LENG1: variants seen among roughly 807,000 people sequenced by gnomAD.
The protein encoded by LENG1 is leukocyte receptor cluster member 1, also known as leukocyte receptor cluster (LRC) member 1.
In LENG1, 35 loss-of-function variants were observed where a neutral mutation model predicts 28.8. The ratio of observed to expected loss-of-function variants is 1.22; its 90% CI spans 0.93 to 1.61. LENG1 has a LOEUF of 1.61. Ranked by LOEUF, LENG1 falls within the 40% of genes most tolerant of loss-of-function variation. The pLI is 0.00. For missense variants in LENG1, 404 were observed against 348.9 expected (o/e 1.16, Z -1.26); for synonymous variants, 170 against 140.6 (o/e 1.21, Z -1.48).
At chr19:54,157,732 TTTGA>T (rs1304827095) in intron 2 of LENG1, among the ~76,000 whole-genome samples, 46 of 150,778 alleles carry the variant, frequency 3.1e-4, no homozygotes, top group African/African-American at 8.5e-4. Context: ...TCACTTTTTG[TTTGA>T]TTGTTTTGAG....
intron 1 of LENG1, among the ~76,000 whole-genome samples, chr19:54,158,816 T>C (rs1180715995): frequency 3.9e-5 from 6 of 152,208 alleles, no homozygotes; most frequent in Non-Finnish European, 8.8e-5. Context: ...TCCAAGTGAC[T>C]ACCCCAAGTC....
intron 1 of LENG1, among the ~76,000 whole-genome samples, chr19:54,158,884 T>C (rs2075446187): frequency 6.6e-6 from 1 of 152,220 alleles, no homozygotes; most frequent in African/African-American, 2.4e-5. Flanking sequence ...CTCAGCAGCC[T>C]ACTGAGATTC....
rs1432208101 is a variant in LENG1 at position 54,159,576 on chromosome 19, C to T, written c.120G>A (p.Leu40=). Residue 40 remains leucine (L), a synonymous_variant, in exon 1 of 4, where the codon CTG becomes CTA. Transcript: ENST00000222224. ...EEKERERRVL[L]AQQEARTEFL... is the part of the protein sequence containing the mutation. ...CTTCCGAGCTTACCTCTTGCTGAGC[C>T]AGCAGCACCCTCCGCTCACGCTCCT... is the stretch of plus-strand genomic sequence containing the variant. The T allele has an allele frequency of 6.3e-7, 1 of 1,583,224 alleles. No individual in the cohort carries two copies. Among genetic ancestry groups the T allele is most frequent in the African/African-American group, 1.3e-5 (1 of 74,378 alleles).
intron 3 of LENG1, among the ~76,000 whole-genome samples, chr19:54,156,214 GT>G (rs1213383861): frequency 9.2e-5 from 14 of 152,136 alleles, no homozygotes; most frequent in African/African-American, 3.1e-4. Flanking sequence ...CTGGCCCTCA[GT>G]TTCCCTTTCT....
intron 3 of LENG1, among the ~76,000 whole-genome samples, chr19:54,156,145 C>T (rs1376118173): frequency 6.6e-6 from 1 of 152,214 alleles, no homozygotes; most frequent in African/African-American, 2.4e-5. Flanking sequence ...GGCTTTGGTC[C>T]TCCCCAGTCT....
rs1391566931 is a variant in LENG1 at position 54,155,597 on chromosome 19, C to A, written c.*124G>T. On this transcript the variant is annotated 3_prime_UTR_variant, in exon 4 of 4. Transcript: ENST00000222224. ...GGGGGCCCGGGGGCGAGGGCTGCCCCCTCCTCCCCTCCCCAGTGAGGGACA... is the reference window on the plus strand; with the variant it reads ...GGGGGCCCGGGGGCGAGGGCTGCCCACTCCTCCCCTCCCCAGTGAGGGACA... The A allele has an allele frequency of 3.6e-6, 4 of 1,110,484 alleles. No individual in the cohort carries two copies. The African/African-American group carries it at 4.7e-5, about 13-fold the overall frequency. 68.8% of individuals were successfully genotyped at this position (1,110,484 alleles called of 1,614,324 possible).
chr19:54,156,334 G>A (rs1217772533), intron 3 of LENG1, among the ~76,000 whole-genome samples: 2 of 152,192 alleles, frequency 1.3e-5, no homozygotes, highest in African/African-American at 4.8e-5. Flanking sequence ...AAACTCTTTG[G>A]TCTCAGGACC....
Position 54,155,579 on chromosome 19 carries a change from C to T in LENG1, c.*142G>A, listed in dbSNP as rs1201047113. On this transcript the variant is annotated 3_prime_UTR_variant, in exon 4 of 4. Transcript: ENST00000222224. ...TCCTCTCAGCCCCACCCTGGGGGCC[C>T]GGGGGCGAGGGCTGCCCCCTCCTCC... 15 of 1,011,648 alleles carry T rather than the reference C, an allele frequency of 1.5e-5. No homozygotes were observed. Among genetic ancestry groups the T allele is most frequent in the African/African-American group, 3.3e-5 (2 of 61,532 alleles). The allele number at this position is 1,011,648 out of a possible 1,614,324, so 62.7% of individuals were successfully genotyped here.
Position 54,155,851 on chromosome 19 carries a change from TG to T in LENG1, c.664del (p.Gln222LysfsTer46). 1.9e-6 allele frequency: 3 copies of T among 1,612,890 alleles called. No individual in the cohort carries two copies. The highest frequency in any genetic ancestry group is 2.5e-6 in the Non-Finnish European group (3 of 1,179,842). Reference protein sequence around the residue: ...SRAEALLARVQGRALQEGQPE... With the variant: ...SRAEALLARVXGRALQEGQPE... Reference sequence around the variant, plus strand: ...CTGACCCTCCTGTAGTGCCCGGCCTTGGACCCGGGCCAGCAGGGCCTCTGCC... The same window carrying T: ...CTGACCCTCCTGTAGTGCCCGGCCTTGACCCGGGCCAGCAGGGCCTCTGCC... On this transcript the variant is annotated frameshift_variant, in exon 4 of 4. Transcript: ENST00000222224. LOFTEE classifies it high-confidence loss of function.
At position 54,159,555 on chromosome 19, in the gene LENG1, C is replaced by T. The variant is rs760446898; in HGVS notation, c.132+9G>A. ...CCCGGAGCGCCGCCCTGCCGGCTTC[C>T]GAGCTTACCTCTTGCTGAGCCAGCA... On this transcript the variant is annotated intron_variant, in intron 1 of 3. Coordinates refer to ENST00000222224, the MANE Select transcript of LENG1 (RefSeq NM_024316.3). 6.5e-7 allele frequency: 1 copy of T among 1,548,330 alleles called. No individual in the cohort carries two copies. Among genetic ancestry groups the T allele is most frequent in the East Asian group, 2.4e-5 (1 of 41,754 alleles).
chr19:54,155,174 T>A lies in LENG1; in HGVS notation c.*547A>T. ...AGAACCTTGTGAGGATGGATGAGAG[T>A]GTGTGCGTGCAGGGCAGCTGGCCCG... On this transcript the variant is annotated 3_prime_UTR_variant, in exon 4 of 4. Transcript: ENST00000222224. 1 of 910,086 alleles carries A rather than the reference T, an allele frequency of 1.1e-6. No individual in the cohort carries two copies. The highest frequency in any genetic ancestry group is 1.7e-6 in the Non-Finnish European group (1 of 600,800). 56.4% of individuals were successfully genotyped at this position (910,086 alleles called of 1,614,324 possible). A position where few individuals can be genotyped will look rare whatever the true frequency, so the allele number is the denominator to read the frequency against.
Position 54,156,979 on chromosome 19 carries a change from C to G in LENG1, c.359G>C (p.Ser120Thr), listed in dbSNP as rs1293620703. 4.4e-6 allele frequency: 7 copies of G among 1,594,868 alleles called. No individual in the cohort carries two copies. In the East Asian group the frequency reaches 1.6e-4, roughly 36 times the overall value. ...GGGTTGAGTCTGTGCCTCCGCTGCA[C>G]TCTGGCCCAGGTATGTCAGGATGCC... ...ALGILTYLGQ[S>T]AAEAQTQPPW... The change falls in exon 3 of 4, where the codon AGT becomes ACT. Residue 120 changes from serine to threonine, a missense_variant. Transcript: ENST00000222224.
In LENG1 at chr19:54,158,175, C is replaced by A. The variant is rs959149810; in HGVS notation, c.312+107G>T. ...TCATGCCTTGGTATGGTCCTAAATT[C>A]TGTGTGTTCACTCTTGTTTGACCTT... On this transcript the variant is annotated intron_variant, in intron 2 of 3. Coordinates refer to ENST00000222224, the MANE Select transcript of LENG1 (RefSeq NM_024316.3). The A allele has an allele frequency of 7.4e-5, 77 of 1,039,484 alleles. 1 individual carries two copies. Among genetic ancestry groups the A allele is most frequent in the Non-Finnish European group, 1.0e-4 (70 of 689,188 alleles). The allele number at this position is 1,039,484 out of a possible 1,614,324, so 64.4% of individuals were successfully genotyped here. A position where few individuals can be genotyped will look rare whatever the true frequency, so the allele number is the denominator to read the frequency against.
Position 54,155,282 on chromosome 19 carries a change from T to C in LENG1, c.*439A>G. 1 of 1,611,556 alleles carries C rather than the reference T, an allele frequency of 6.2e-7. No individual in the cohort carries two copies. Among genetic ancestry groups the C allele is most frequent in the South Asian group, 1.1e-5 (1 of 90,706 alleles). On this transcript the variant is annotated 3_prime_UTR_variant, in exon 4 of 4. Coordinates refer to ENST00000222224, the MANE Select transcript of LENG1 (RefSeq NM_024316.3). Reference sequence around the variant, plus strand: ...GATCCCAGACCACCTCCTCGTCCACTCACTGACCGCCTTCTCCCCCGGCCA... The same window carrying C: ...GATCCCAGACCACCTCCTCGTCCACCCACTGACCGCCTTCTCCCCCGGCCA...
intron 1 of LENG1, among the ~76,000 whole-genome samples, chr19:54,158,719 C>T (rs1238914504): frequency 2.0e-5 from 3 of 152,174 alleles, no homozygotes; most frequent in Admixed American, 6.5e-5. Context: ...CTGGCCTAAA[C>T]CAAAGGGGTT....
At position 54,156,650 on chromosome 19, in the gene LENG1, G is replaced by C. The variant is rs1018099332; in HGVS notation, c.575+113C>G. ...TGAGAACCACTTCTCCACCTAGCCA[G>C]CCCTTCACGGAGTCCCTGGCTGTCC... On this transcript the variant is annotated intron_variant, in intron 3 of 3. Coordinates refer to ENST00000222224, the MANE Select transcript of LENG1 (RefSeq NM_024316.3). The C allele has an allele frequency of 4.4e-6, 5 of 1,134,062 alleles. No individual in the cohort carries two copies. In the South Asian group the frequency reaches 8.4e-5, roughly 19 times the overall value. 70.2% of individuals were successfully genotyped at this position (1,134,062 alleles called of 1,614,324 possible).
intron 3 of LENG1, 31 bp from the exon 4 acceptor site, chr19:54,155,971 G>C: frequency 6.4e-7 from 1 of 1,572,576 alleles, no homozygotes; most frequent in Non-Finnish European, 8.6e-7. Flanking sequence ...TCAGAAAGCT[G>C]GTAGCCCCTA....
At position 54,157,000 on chromosome 19, in the gene LENG1, A is replaced by G; in HGVS notation, c.338T>C (p.Ile113Thr). ...EKERQEKALG[I>T]LTYLGQSAAE... ...TGCACTCTGGCCCAGGTATGTCAGG[A>G]TGCCCAGAGCTTTCTCTTGCCTCTC... Residue 113 changes from isoleucine to threonine, a missense_variant, in exon 3 of 4, where the codon ATC becomes ACC. Physicochemically the swap from Ile to Thr is moderately conservative, Grantham distance 89 (BLOSUM62 -1). Transcript: ENST00000222224. The G allele has an allele frequency of 6.4e-7, 1 of 1,567,204 alleles. No homozygotes were observed. Among genetic ancestry groups the G allele is most frequent in the Middle Eastern group, 1.7e-4 (1 of 5,854 alleles).
At chr19:54,156,161 A>T (rs1425793597) in intron 3 of LENG1, among the ~76,000 whole-genome samples, 1 of 152,174 alleles carries the variant, frequency 6.6e-6, no homozygotes, top group African/African-American at 2.4e-5. Flanking sequence ...AGTCTTTAAA[A>T]TCTGATGCTT....
Sources: allele counts gnomAD v4.1 joint callset (sites outside exome capture counted in the v4.1 genomes callset), GRCh38; gene constraint gnomAD v4.1.1; transcripts MANE v1.5; gene names NCBI Gene and HGNC (gene_info 2026-07-23, HGNC 2026-07-21).